STK3: variants seen among roughly 807,000 people sequenced by gnomAD.
STK3 encodes serine/threonine-protein kinase 3.
Under a neutral mutation model 58.0 loss-of-function variants are expected in STK3, and 41 were observed. That is an observed-to-expected ratio of 0.71 (90% CI 0.55 to 0.92). The LOEUF (loss-of-function observed/expected upper bound fraction) is 0.92. Ranked by LOEUF, STK3 falls within the 40% of genes least tolerant of loss-of-function variation. The pLI is 0.00. For synonymous variants in STK3, 170 were observed against 191.0 expected, an observed-to-expected ratio of 0.89 and a Z score of 0.91; for missense variants, 479 against 602.7, an observed-to-expected ratio of 0.79 and a Z score of 2.15.
intron 1 of STK3, among the ~76,000 whole-genome samples, chr8:98,916,921 G>C (rs993558088): frequency 5.3e-5 from 8 of 152,172 alleles, no homozygotes; most frequent in African/African-American, 1.9e-4. Context: ...ATGGGGATTT[G>C]GGAGCTGAGT....
chr8:98,376,800 G>C (rs1321905290), intron 2 of STK3, among the ~76,000 whole-genome samples: 4 of 152,208 alleles, frequency 2.6e-5, no homozygotes, highest in Non-Finnish European at 4.4e-5. Flanking sequence ...ACTTGGGTGA[G>C]AGTGTATGAT....
chr8:98,867,344 G>A (rs573566074), intron 3 of STK3, among the ~76,000 whole-genome samples: 3 of 152,294 alleles, frequency 2.0e-5, no homozygotes, highest in Admixed American at 2.0e-4. Context: ...AGCCTGGGAG[G>A]CGGAGGTTCC....
At chr8:98,592,733 CTTTATTTA>C (rs10557286) in intron 7 of STK3, among the ~76,000 whole-genome samples, 4,444 of 139,590 alleles carry the variant, frequency 0.032, 94 homozygotes, top group Middle Eastern at 0.085. Flanking sequence ...CACTGACTTA[CTTTATTTA>C]TTTATTTATT....
In STK3 at chr8:98,932,762, G is replaced by A. The variant is rs559196859; in HGVS notation, c.-79+9616C>T. On this transcript the variant is annotated intron_variant, in intron 1 of 1. Transcript: ENST00000519420. ...TGGTCCTCCAGCCATACTTCGAAAA[G>A]TTAGGCCCTGGGAGGACAGCTGGGG... Among the ~76,000 whole-genome samples, 20 of 152,322 alleles carry A rather than the reference G, an allele frequency of 1.3e-4. No individual in the cohort carries two copies. The East Asian group carries it at 3.9e-3, about 29-fold the overall frequency.
chr8:98,491,301 G>T (rs1792568721), intron 10 of STK3, among the ~76,000 whole-genome samples: 1 of 152,084 alleles, frequency 6.6e-6, no homozygotes, highest in African/African-American at 2.4e-5. Flanking sequence ...TCAAATAAAT[G>T]ATGATGAAAC....
chr8:98,445,227 C>A (rs936682661), intron 1 of STK3, among the ~76,000 whole-genome samples: 12 of 151,904 alleles, frequency 7.9e-5, no homozygotes, highest in African/African-American at 2.9e-4. Context: ...CTTTTTATTG[C>A]TAAATCATAT....
chr8:98,833,270 G>T (rs1835607737), intron 3 of STK3, among the ~76,000 whole-genome samples: 1 of 152,144 alleles, frequency 6.6e-6, no homozygotes, highest in Admixed American at 6.5e-5. Context: ...TTGACAATTG[G>T]TTGAAAGAGT....
intron 8 of STK3, among the ~76,000 whole-genome samples, chr8:98,557,874 G>A (rs769350646): frequency 2.0e-5 from 3 of 152,144 alleles, no homozygotes; most frequent in Middle Eastern, 3.4e-3. Context: ...ATCTCCAAAC[G>A]TCATAAAAGA....
intron 1 of STK3, chr8:98,437,495 G>A (rs1280681111): frequency 6.6e-6 from 1 of 152,230 alleles, no homozygotes; most frequent in African/African-American, 2.4e-5. Context: ...GGTATGTGTG[G>A]CAGGAACAGA....
the STK3 span, among the ~76,000 whole-genome samples, chr8:98,357,284 T>C: frequency 2.0e-5 from 3 of 152,204 alleles, no homozygotes; most frequent in Non-Finnish European, 2.9e-5. Flanking sequence ...AGGGTTTACC[T>C]GCCTGGGTCT....
At chr8:98,754,420 C>G (rs949422416) in intron 3 of STK3, among the ~76,000 whole-genome samples, 9 of 151,776 alleles carry the variant, frequency 5.9e-5, no homozygotes, top group African/African-American at 2.2e-4. Flanking sequence ...AAAGCTCTAC[C>G]GGTGACTCTG....
chr8:98,621,813 G>C (rs974567278), intron 6 of STK3, among the ~76,000 whole-genome samples: 1 of 151,924 alleles, frequency 6.6e-6, no homozygotes, highest in Admixed American at 6.6e-5. Context: ...TATCTATATA[G>C]CTAGTCCCAG....
chr8:98,451,022 T>C (rs1208086087), downstream of STK3, among the ~76,000 whole-genome samples: 2 of 152,224 alleles, frequency 1.3e-5, no homozygotes, highest in Non-Finnish European at 2.9e-5. Flanking sequence ...TTCTTTTCAG[T>C]CCTCCCTTTC....
intron 8 of STK3, among the ~76,000 whole-genome samples, chr8:98,554,969 T>A (rs565564455): frequency 1.3e-5 from 2 of 152,114 alleles, no homozygotes; most frequent in Non-Finnish European, 2.9e-5. Context: ...TGATACTTCA[T>A]AGAAAAAGGT....
At chr8:98,757,951 TTAAC>T (rs1830397501) in intron 3 of STK3, among the ~76,000 whole-genome samples, 1 of 152,236 alleles carries the variant, frequency 6.6e-6, no homozygotes, top group African/African-American at 2.4e-5. Context: ...AGCCAGCAAG[TTAAC>T]TAACTACAAT....
At chr8:98,706,710 A>G in intron 5 of STK3, 76 bp from the exon 6 acceptor site, 2 of 1,399,430 alleles carry the variant, frequency 1.4e-6, no homozygotes, top group Non-Finnish European at 1.9e-6. Flanking sequence ...ATACTTTTAA[A>G]AAATGTTAAA....
At chr8:98,373,345 C>T (rs2130991860) in intron 2 of STK3, among the ~76,000 whole-genome samples, 1 of 152,246 alleles carries the variant, frequency 6.6e-6, no homozygotes, top group East Asian at 1.9e-4. Context: ...TGCATTTCCT[C>T]CCACCGTGGG....
At chr8:98,435,607 G>C (rs899627378) in intron 2 of STK3, among the ~76,000 whole-genome samples, 1 of 152,116 alleles carries the variant, frequency 6.6e-6, no homozygotes, top group African/African-American at 2.4e-5. Context: ...CGGGGAGGCG[G>C]CTCTGCAGGA....
At chr8:98,746,148 C>T (rs1829626423) in intron 4 of STK3, among the ~76,000 whole-genome samples, 1 of 152,146 alleles carries the variant, frequency 6.6e-6, no homozygotes, top group South Asian at 2.1e-4. Context: ...TATCTCTAAC[C>T]CCAATTGAAT....
Sources: gnomAD v4.1 joint callset for allele counts (sites outside exome capture counted in the v4.1 genomes callset) on GRCh38, gnomAD v4.1.1 for gene constraint, MANE v1.5 for transcripts, NCBI Gene and HGNC (gene_info 2026-07-23, HGNC 2026-07-21) for gene names.